The following CRISPLD1 variants were observed in gnomAD, a reference collection of about 807,000 sequenced individuals.
CRISPLD1 encodes cysteine rich secretory protein LCCL domain containing 1, also known as cysteine-rich secretory protein LCCL domain-containing 1.
Under a neutral mutation model 77.5 loss-of-function variants are expected in CRISPLD1, and 60 were observed. The ratio of observed to expected loss-of-function variants is 0.77; its 90% CI spans 0.63 to 0.96. The LOEUF (loss-of-function observed/expected upper bound fraction) is 0.96. Ranked by LOEUF, CRISPLD1 falls within the 40% of genes least tolerant of loss-of-function variation. CRISPLD1 has a pLI of 0.00. For missense variants in CRISPLD1, 623 were observed against 615.8 expected (o/e 1.01, Z -0.12); for synonymous variants, 195 against 200.1 (o/e 0.97, Z 0.22).
intron 2 of CRISPLD1, among the ~76,000 whole-genome samples, chr8:75,005,483 CT>C (rs1812813187): frequency 1.3e-5 from 2 of 152,154 alleles, no homozygotes; most frequent in African/African-American, 2.4e-5. Context: ...ACAATGCATA[CT>C]TTTGTATCTG....
At position 75,003,252 on chromosome 8, in the gene CRISPLD1, G is replaced by A. The variant is rs750270702; in HGVS notation, c.259-9181G>A. Among the ~76,000 whole-genome samples the A allele has an allele frequency of 8.5e-4, 129 of 152,250 alleles. 2 individuals are homozygous for A. Among genetic ancestry groups the A allele is most frequent in the Middle Eastern group, 3.4e-3 (1 of 292 alleles). ...ATACATTTGAATGTTTCTTATATTA[G>A]TCATCTTTGGTTTAAATTCAAGTTT... On this transcript the variant is annotated intron_variant, in intron 2 of 14. Transcript: ENST00000262207.
intron 13 of CRISPLD1, chr8:75,026,845 T>C (rs929916887): frequency 6.6e-6 from 1 of 152,198 alleles, no homozygotes; most frequent in African/African-American, 2.4e-5. Flanking sequence ...TCTCTCAAGC[T>C]CCAGATTTGC....
intron 10 of CRISPLD1, 22 bp from the exon 11 acceptor site, chr8:75,019,848 A>G: frequency 1.9e-6 from 3 of 1,595,056 alleles, no homozygotes; most frequent in Non-Finnish European, 2.6e-6. Flanking sequence ...AATAATTAAC[A>G]TTTCTGTATT....
intron 12 of CRISPLD1, among the ~76,000 whole-genome samples, chr8:75,022,159 A>G (rs1313848225): frequency 1.3e-5 from 2 of 152,234 alleles, no homozygotes; most frequent in East Asian, 3.8e-4. Context: ...TTTAGCCTTT[A>G]CTGTTACCAA....
At chr8:75,029,216 T>G (rs1298926951) in intron 13 of CRISPLD1, among the ~76,000 whole-genome samples, 171 bp from the exon 14 acceptor site, 1 of 152,176 alleles carries the variant, frequency 6.6e-6, no homozygotes, top group African/African-American at 2.4e-5. Context: ...GGCTTTGACT[T>G]TGTGACGTTT....
At position 75,007,757 on chromosome 8, in the gene CRISPLD1, C is replaced by T. The variant is rs72670905; in HGVS notation, c.259-4676C>T. 6.1e-3 allele frequency among the ~76,000 whole-genome samples: 906 copies of T among 148,046 alleles called. 6 individuals carry two copies. Among genetic ancestry groups the T allele is most frequent in the Middle Eastern group, 0.035 (10 of 286 alleles). ...GTATGATCATAGCTCTCATAGCTCA[C>T]TGCAGCCTCAAACTCCCTTGATCCT... On this transcript the variant is annotated intron_variant, in intron 2 of 14. Coordinates refer to ENST00000262207, the MANE Select transcript of CRISPLD1 (RefSeq NM_031461.6).
At position 75,033,833 on chromosome 8, in the gene CRISPLD1, G is replaced by A. The variant is rs941842403; in HGVS notation, c.*1591G>A. On this transcript the variant is annotated 3_prime_UTR_variant, in exon 15 of 15. Transcript: ENST00000262207. ...AAATACTGGTAATTAAAACAATGAT[G>A]TATACGTTAAAGATTGCAAAACTTA... is the stretch of plus-strand genomic sequence containing the variant. 2.0e-5 allele frequency: 3 copies of A among 151,896 alleles called. No individual in the cohort carries two copies. Among genetic ancestry groups the A allele is most frequent in the South Asian group, 2.1e-4 (1 of 4,824 alleles). 9.4% of individuals were successfully genotyped at this position (151,896 alleles called of 1,614,324 possible).
intron 2 of CRISPLD1, 59 bp downstream of exon 2, chr8:74,986,304 G>T: frequency 6.7e-7 from 1 of 1,494,228 alleles, no homozygotes; most frequent in Non-Finnish European, 9.2e-7. Context: ...CTTTCAGTCA[G>T]CAGTCTTCAT....
chr8:74,985,918 C>T lies in CRISPLD1; in HGVS notation c.-62-8C>T. On this transcript the variant is annotated splice_region_variant and splice_polypyrimidine_tract_variant and intron_variant, in intron 1 of 14. Coordinates refer to ENST00000262207, the MANE Select transcript of CRISPLD1 (RefSeq NM_031461.6). ...TTTTCATCTTAATCACATGACATGT[C>T]GTTATAGCCAAAAGGAGTGGAAGAG... 1 of 1,494,602 alleles carries T rather than the reference C, an allele frequency of 6.7e-7. No homozygotes were observed. The highest frequency in any genetic ancestry group is 9.0e-7 in the Non-Finnish European group (1 of 1,108,270). 92.6% of individuals were successfully genotyped at this position (1,494,602 alleles called of 1,614,324 possible). A position where few individuals can be genotyped will look rare whatever the true frequency, so the allele number is the denominator to read the frequency against.
chr8:74,985,835 C>A lies in CRISPLD1; in HGVS notation c.-62-91C>A, dbSNP rs558177406. 2.2e-5 allele frequency: 18 copies of A among 826,848 alleles called. No homozygotes were observed. In the South Asian group the frequency reaches 2.6e-4, roughly 12 times the overall value. 51.2% of individuals were successfully genotyped at this position (826,848 alleles called of 1,614,324 possible). On this transcript the variant is annotated intron_variant, in intron 1 of 14. Transcript: ENST00000262207. ...GTTAAATAGACAAATCAAACTGGCA[C>A]ACTTCCTTTGTAACTGTTGTTTTGC...
intron 2 of CRISPLD1, chr8:75,000,439 G>T (rs1812720879): frequency 2.0e-6 from 2 of 984,656 alleles, no homozygotes; most frequent in African/African-American, 1.7e-5. Flanking sequence ...ATACAAAGCA[G>T]TGCTATCTCA....
intron 10 of CRISPLD1, 38 bp from the exon 11 acceptor site, chr8:75,019,832 T>C: frequency 2.6e-6 from 4 of 1,537,598 alleles, no homozygotes; most frequent in Non-Finnish European, 3.6e-6. Flanking sequence ...CTGATGCCTA[T>C]ATGAAAATAA....
intron 2 of CRISPLD1, 103 bp downstream of exon 2, chr8:74,986,348 G>GA (rs1360547521): frequency 3.3e-6 from 4 of 1,218,828 alleles, no homozygotes; most frequent in Non-Finnish European, 3.5e-6. Context: ...ATATGAAGTT[G>GA]AAAAAAGATT....
intron 2 of CRISPLD1, among the ~76,000 whole-genome samples, chr8:75,009,490 A>G (rs1026239992): frequency 3.3e-5 from 5 of 152,084 alleles, no homozygotes; most frequent in African/African-American, 1.2e-4. Context: ...TAAAACCATC[A>G]CAATTGTTTC....
intron 1 of CRISPLD1, among the ~76,000 whole-genome samples, chr8:74,985,420 T>G (rs1322355731): frequency 6.6e-6 from 1 of 152,180 alleles, no homozygotes; most frequent in Non-Finnish European, 1.5e-5. Context: ...TTTGAAACAT[T>G]CACTCTCAAT....
intron 11 of CRISPLD1, 24 bp from the exon 12 acceptor site, chr8:75,019,982 AT>A: frequency 6.2e-7 from 1 of 1,613,402 alleles, no homozygotes; most frequent in Non-Finnish European, 8.5e-7. Flanking sequence ...GGATTCACTC[AT>A]TGTTTTGTGT....
intron 6 of CRISPLD1, among the ~76,000 whole-genome samples, chr8:75,015,181 T>C (rs1639858987): frequency 6.6e-6 from 1 of 152,184 alleles, no homozygotes; most frequent in South Asian, 2.1e-4. Flanking sequence ...ATATTTATAT[T>C]CTTAAAAAGA....
intron 13 of CRISPLD1, 57 bp from the exon 14 acceptor site, chr8:75,029,330 C>G: frequency 6.4e-7 from 1 of 1,559,444 alleles, no homozygotes; most frequent in Non-Finnish European, 8.7e-7. Flanking sequence ...GAAGAATAGG[C>G]TGGACAAGTC....
At chr8:74,998,136 G>A (rs922072971) in intron 2 of CRISPLD1, among the ~76,000 whole-genome samples, 6 of 152,138 alleles carry the variant, frequency 3.9e-5, no homozygotes, top group Non-Finnish European at 8.8e-5. Flanking sequence ...GAGGTTGTTC[G>A]TATAGAAGCA....
Sources: gnomAD v4.1 joint callset for allele counts (sites outside exome capture counted in the v4.1 genomes callset) on GRCh38, gnomAD v4.1.1 for gene constraint, MANE v1.5 for transcripts, NCBI Gene and HGNC (gene_info 2026-07-23, HGNC 2026-07-21) for gene names.